Variants in PDIA6 observed in about 807,000 individuals in gnomAD.
The protein encoded by PDIA6 is protein disulfide isomerase family A member 6.
A neutral mutation model predicts 58.4 loss-of-function variants in PDIA6; 29 were observed. The ratio of observed to expected loss-of-function variants is 0.50; its 90% CI spans 0.37 to 0.68. PDIA6 has a LOEUF of 0.68. Among genes scored for constraint, PDIA6 ranks in the 30% least tolerant of loss-of-function variants. The pLI is 0.00. For synonymous variants in PDIA6, 192 were observed against 202.6 expected (o/e 0.95, Z 0.44); for missense variants, 480 against 551.0 (o/e 0.87, Z 1.29).
Position 10,812,773 on chromosome 2 carries a change from G to C in PDIA6, c.-77C>G. The C allele has an allele frequency of 5.3e-6, 7 of 1,330,850 alleles. No individual in the cohort carries two copies. The highest frequency in any genetic ancestry group is 6.7e-6 in the Non-Finnish European group (7 of 1,040,766). The allele number at this position is 1,330,850 out of a possible 1,614,324, so 82.4% of individuals were successfully genotyped here. A position where few individuals can be genotyped will look rare whatever the true frequency, so the allele number is the denominator to read the frequency against. On this transcript the variant is annotated 5_prime_UTR_variant, in exon 1 of 13. Coordinates refer to ENST00000272227, the MANE Select transcript of PDIA6 (RefSeq NM_005742.4). ...GCAGCGTGCCGCACGCCGCGCCCCC[G>C]CGCCCACGTCCCGCCCCAGGCCAGT...
upstream of PDIA6, among the ~76,000 whole-genome samples, chr2:10,833,496 C>T (rs72779487): frequency 0.074 from 11,246 of 152,216 alleles, 586 homozygotes; most frequent in Non-Finnish European, 0.11. Flanking sequence ...AGGGGAGTGG[C>T]CCCCAGAACC....
intron 1 of PDIA6, among the ~76,000 whole-genome samples, chr2:10,820,098 C>T (rs1246530198): frequency 6.6e-6 from 1 of 152,188 alleles, no homozygotes; most frequent in Non-Finnish European, 1.5e-5. Flanking sequence ...GGGGTAATAC[C>T]TGTGGTTCGT....
At chr2:10,786,403 C>T (rs908386842) in intron 11 of PDIA6, among the ~76,000 whole-genome samples, 16 of 152,120 alleles carry the variant, frequency 1.1e-4, no homozygotes, top group African/African-American at 3.6e-4. Flanking sequence ...GTCTGCCCCC[C>T]GCCGGCAGAG....
upstream of PDIA6, among the ~76,000 whole-genome samples, chr2:10,832,697 A>G (rs927954226): frequency 6.6e-6 from 1 of 152,122 alleles, no homozygotes; most frequent in African/African-American, 2.4e-5. Context: ...TGAATCCTGC[A>G]GTCAGCATCT....
chr2:10,796,715 G>A (rs1254572704), intron 4 of PDIA6, among the ~76,000 whole-genome samples: 1 of 152,014 alleles, frequency 6.6e-6, no homozygotes, highest in East Asian at 1.9e-4. Flanking sequence ...CTTTTCCATA[G>A]TGTTATGTTA....
At chr2:10,811,830 C>A (rs898864368) in intron 1 of PDIA6, among the ~76,000 whole-genome samples, 5 of 152,242 alleles carry the variant, frequency 3.3e-5, no homozygotes, top group African/African-American at 1.2e-4. Context: ...CGAAGCGCCC[C>A]TGCGTCTTAA....
At position 10,818,525 on chromosome 2, in the gene PDIA6, TATTTATTTA is replaced by T. The variant is rs1291486490; in HGVS notation, c.34+740_34+748del. ...TTATTTATTTATTTATTTATTTATT[TATTTATTTA>T]TTTTGAGATGGAGTTTTGCTCTTGT... On this transcript the variant is annotated intron_variant, in intron 2 of 13. Transcript: ENST00000381611. Among the ~76,000 whole-genome samples, 18 of 118,984 alleles carry T rather than the reference TATTTATTTA, an allele frequency of 1.5e-4. No individual in the cohort carries two copies. The South Asian group carries it at 1.7e-3, about 11-fold the overall frequency. 78.1% of individuals were successfully genotyped at this position (118,984 alleles called of 152,430 possible).
intron 2 of PDIA6, among the ~76,000 whole-genome samples, chr2:10,799,169 C>T (rs1227129462): frequency 4.0e-5 from 6 of 151,486 alleles, no homozygotes; most frequent in Non-Finnish European, 8.8e-5. Context: ...TTAGCCCTTA[C>T]CACTCATTGA....
rs34801366 is a variant in PDIA6 at position 10,808,834 on chromosome 2, C to CT, written c.19+3843dup. ...GGAAAAATGTAATCTCATTATTTTT[C>CT]TTTTTTTTTGAGACGGCGTCTCACT... On this transcript the variant is annotated intron_variant, in intron 1 of 12. Transcript: ENST00000272227. Among the ~76,000 whole-genome samples, 49 of 151,722 alleles carry CT rather than the reference C, an allele frequency of 3.2e-4. No homozygotes were observed. In the East Asian group the frequency reaches 4.1e-3, roughly 13 times the overall value.
chr2:10,789,954 C>T (rs1478010551), intron 7 of PDIA6, 65 bp from the exon 8 acceptor site: 8 of 1,455,192 alleles, frequency 5.5e-6, no homozygotes, highest in Non-Finnish European at 7.6e-6. Context: ...ACAATCTTTA[C>T]AGTTTCTAAA....
chr2:10,786,388 CCA>C (rs1665758444), intron 11 of PDIA6, among the ~76,000 whole-genome samples: 1 of 152,056 alleles, frequency 6.6e-6, no homozygotes, highest in Non-Finnish European at 1.5e-5. Context: ...AGGGAAGGAG[CCA>C]CAGTCTGCCC....
chr2:10,820,959 G>A, intron 1 of PDIA6: 1 of 672,850 alleles, frequency 1.5e-6, no homozygotes, highest in Admixed American at 2.1e-5. Flanking sequence ...CAGGACCTGG[G>A]TTTGGAAACT....
chr2:10,832,402 C>T (rs1667734503), exon 1 of PDIA6: 11 of 985,286 alleles, frequency 1.1e-5, no homozygotes, highest in Non-Finnish European at 1.3e-5. Context: ...CTACGCCTCA[C>T]AAACACCACC....
At chr2:10,802,740 A>C (rs887255636) in intron 1 of PDIA6, 100 bp from the exon 2 acceptor site, 2 of 892,582 alleles carry the variant, frequency 2.2e-6, no homozygotes, top group African/African-American at 3.5e-5. Flanking sequence ...AGGGCCCTTC[A>C]CACAGGAGGA....
chr2:10,825,215 G>A (rs1009773782), intron 1 of PDIA6, among the ~76,000 whole-genome samples: 5 of 151,714 alleles, frequency 3.3e-5, no homozygotes, highest in Non-Finnish European at 5.9e-5. Context: ...TGGACCTTGC[G>A]ATCATGTGAG....
At chr2:10,827,149 C>T (rs968313952) in intron 1 of PDIA6, among the ~76,000 whole-genome samples, 11 of 152,266 alleles carry the variant, frequency 7.2e-5, no homozygotes, top group South Asian at 4.1e-4. Flanking sequence ...CTGCAACCTC[C>T]GCCTCCCGGG....
At chr2:10,797,283 C>A in intron 3 of PDIA6, 76 bp from the exon 4 acceptor site, 1 of 1,452,772 alleles carries the variant, frequency 6.9e-7, no homozygotes, top group South Asian at 1.3e-5. Flanking sequence ...ATCTGCTTCA[C>A]ATAGACTCAG....
chr2:10,818,529 T>G, intron 2 of PDIA6, among the ~76,000 whole-genome samples: 1 of 111,394 alleles, frequency 9.0e-6, no homozygotes. Flanking sequence ...TTTATTTATT[T>G]ATTTATTTTG....
At chr2:10,791,259 T>A (rs2148538619) in intron 6 of PDIA6, among the ~76,000 whole-genome samples, 1 of 152,132 alleles carries the variant, frequency 6.6e-6, no homozygotes, top group East Asian at 1.9e-4. Context: ...TTCTTGCACC[T>A]CAACCTCCCA....
Sources: gnomAD v4.1 joint callset for allele counts (sites outside exome capture counted in the v4.1 genomes callset) on GRCh38, gnomAD v4.1.1 for gene constraint, MANE v1.5 for transcripts, NCBI Gene and HGNC (gene_info 2026-07-23, HGNC 2026-07-21) for gene names.